Variants in EEIG1 observed in about 807,000 individuals in gnomAD.
The protein encoded by EEIG1 is early estrogen-induced gene 1 protein.
chr9:127,970,194 G>C, the EEIG1 span, among the ~76,000 whole-genome samples: 2 of 152,124 alleles, frequency 1.3e-5, no homozygotes, highest in African/African-American at 4.8e-5. Flanking sequence ...GCACGCTGCA[G>C]CCTCTGCCTC....
At chr9:127,956,140 TG>T in the EEIG1 span, among the ~76,000 whole-genome samples, 1 of 152,172 alleles carries the variant, frequency 6.6e-6, no homozygotes, top group African/African-American at 2.4e-5. Context: ...GGCCCTAGGC[TG>T]GGGGCATCAC....
At chr9:127,947,145 C>T in the EEIG1 span, among the ~76,000 whole-genome samples, 3 of 151,666 alleles carry the variant, frequency 2.0e-5, no homozygotes, top group Non-Finnish European at 4.4e-5. Context: ...CGGTGGCTCA[C>T]GCCTGTAATC....
At chr9:127,980,143 AGTT>A in the EEIG1 span, 5 of 1,611,284 alleles carry the variant, frequency 3.1e-6, no homozygotes, top group Non-Finnish European at 4.2e-6. Flanking sequence ...GCCATGAGCG[AGTT>A]CCCTGAGTCT....
At chr9:127,963,444 G>A in the EEIG1 span, among the ~76,000 whole-genome samples, 1 of 152,236 alleles carries the variant, frequency 6.6e-6, no homozygotes, top group Non-Finnish European at 1.5e-5. Context: ...ACAGAGACTG[G>A]GTTTCATTTT....
the EEIG1 span, among the ~76,000 whole-genome samples, chr9:127,962,106 C>T: frequency 1.3e-5 from 2 of 152,182 alleles, no homozygotes; most frequent in South Asian, 4.1e-4. Context: ...AAGCTGTGCT[C>T]CCCAGCAGGG....
At chr9:127,942,842 G>C in the EEIG1 span, 1 of 347,218 alleles carries the variant, frequency 2.9e-6, no homozygotes, top group Non-Finnish European at 5.5e-6. Context: ...TTTAGGAGCC[G>C]CTGCATGTCC....
chr9:127,945,341 A>AG, the EEIG1 span: 36 of 1,543,806 alleles, frequency 2.3e-5, no homozygotes, highest in Non-Finnish European at 3.0e-5. This position sits in a 1 kb window ranked among gnomAD's most constrained non-coding sequence, Gnocchi z 6.5. Flanking sequence ...TCTGTTCTCC[A>AG]GGGGGCACCA....
the EEIG1 span, chr9:127,950,339 C>A: frequency 7.1e-7 from 1 of 1,408,582 alleles, no homozygotes; most frequent in South Asian, 1.2e-5. Context: ...TTTTTAACAA[C>A]CCTCCTCCAG....
At chr9:127,955,860 G>A in the EEIG1 span, among the ~76,000 whole-genome samples, 1 of 152,238 alleles carries the variant, frequency 6.6e-6, no homozygotes, top group Non-Finnish European at 1.5e-5. Flanking sequence ...GGTCAAGAGG[G>A]CAGGCAGACC....
chr9:127,947,392 C>T, the EEIG1 span, among the ~76,000 whole-genome samples: 3 of 151,990 alleles, frequency 2.0e-5, 1 homozygote, highest in South Asian at 4.2e-4. Flanking sequence ...GGTGAGATTG[C>T]GCCACTGCAC....
At chr9:127,977,484 TGGGA>T in the EEIG1 span, among the ~76,000 whole-genome samples, 6 of 152,126 alleles carry the variant, frequency 3.9e-5, no homozygotes, top group Non-Finnish European at 8.8e-5. Flanking sequence ...TATTCCTCAA[TGGGA>T]TCCAAGACCC....
chr9:127,963,061 TG>T, the EEIG1 span, among the ~76,000 whole-genome samples: 1 of 152,164 alleles, frequency 6.6e-6, no homozygotes, highest in Admixed American at 6.5e-5. Flanking sequence ...CACACTGGTA[TG>T]AAGGGATAAT....
At chr9:127,977,111 C>T in the EEIG1 span, among the ~76,000 whole-genome samples, 3 of 152,198 alleles carry the variant, frequency 2.0e-5, no homozygotes, top group African/African-American at 7.2e-5. Context: ...GTTCCAATGT[C>T]ACTGTCTGCT....
chr9:127,943,398 C>T, the EEIG1 span: 6 of 668,972 alleles, frequency 9.0e-6, no homozygotes, highest in East Asian at 1.4e-4. Context: ...AGTCCCTTGC[C>T]CACAGTGACA....
the EEIG1 span, among the ~76,000 whole-genome samples, chr9:127,957,828 C>T: frequency 4.6e-5 from 7 of 152,340 alleles, no homozygotes; most frequent in East Asian, 5.8e-4. Context: ...GCCTGGCCAA[C>T]ATGGCAAAAC....
At chr9:127,945,216 C>A in the EEIG1 span, 1 of 714,308 alleles carries the variant, frequency 1.4e-6, no homozygotes, top group Non-Finnish European at 2.3e-6. This position sits in a 1 kb window ranked among gnomAD's most constrained non-coding sequence, Gnocchi z 6.5. Context: ...CATGGCTGCA[C>A]CCTTCAGGGC....
the EEIG1 span, among the ~76,000 whole-genome samples, chr9:127,970,308 G>A: frequency 1.4e-4 from 21 of 151,992 alleles, no homozygotes; most frequent in Non-Finnish European, 1.5e-4. Context: ...TAGTAGAGAC[G>A]GGGTTTCACC....
chr9:127,944,633 C>T, the EEIG1 span: 1 of 1,611,688 alleles, frequency 6.2e-7, no homozygotes, highest in Middle Eastern at 2.0e-4. Context: ...AAGCTGGATG[C>T]CGCTCAGCGT....
the EEIG1 span, among the ~76,000 whole-genome samples, chr9:127,946,208 G>A: frequency 2.4e-3 from 373 of 152,336 alleles, 2 homozygotes; most frequent in African/African-American, 8.6e-3. Flanking sequence ...GAACAGCATC[G>A]GCAGAGGCCC....
Sources: allele counts gnomAD v4.1 joint callset (sites outside exome capture counted in the v4.1 genomes callset), GRCh38; gene constraint gnomAD v4.1.1; non-coding constraint Gnocchi (gnomAD v3.1); transcripts MANE v1.5; gene names NCBI Gene and HGNC (gene_info 2026-07-23, HGNC 2026-07-21).